SLC40A1: variants seen among roughly 807,000 people sequenced by gnomAD.
SLC40A1 encodes solute carrier family 40 member 1.
Under a neutral mutation model 53.5 loss-of-function variants are expected in SLC40A1, and 16 were observed. That is an observed-to-expected ratio of 0.30 (90% CI 0.20 to 0.45). The LOEUF (loss-of-function observed/expected upper bound fraction) is 0.45, where lower values mean the gene tolerates loss of function less well. Among genes scored for constraint, SLC40A1 ranks in the 20% least tolerant of loss-of-function variants. The probability of loss-of-function intolerance (pLI) is 1.00; values close to 1 mark genes in which losing one functional copy is unlikely to be tolerated. For synonymous variants in SLC40A1, 247 were observed against 253.2 expected, an observed-to-expected ratio of 0.98 and a Z score of 0.23; for missense variants, 545 against 695.4, an observed-to-expected ratio of 0.78 and a Z score of 2.43.
At chr2:189,566,362 G>GAGC (rs2030940721) in intron 5 of SLC40A1, among the ~76,000 whole-genome samples, 1 of 152,186 alleles carries the variant, frequency 6.6e-6, no homozygotes, top group Non-Finnish European at 1.5e-5. Context: ...TCATACCCTG[G>GAGC]AGCACAATGT....
At chr2:189,562,946 A>T (rs2030801599) in intron 7 of SLC40A1, among the ~76,000 whole-genome samples, 1 of 152,006 alleles carries the variant, frequency 6.6e-6, no homozygotes, top group Admixed American at 6.6e-5. Context: ...TATTTTCTAA[A>T]CTACAGTTTT....
chr2:189,576,709 C>T (rs933908973), intron 2 of SLC40A1, among the ~76,000 whole-genome samples: 9 of 152,108 alleles, frequency 5.9e-5, no homozygotes, highest in African/African-American at 9.7e-5. Context: ...CTGAATAGCT[C>T]CCAAGGAAAA....
At chr2:189,578,202 A>G (rs1423737522) in intron 2 of SLC40A1, 1 of 985,270 alleles carries the variant, frequency 1.0e-6, no homozygotes, top group East Asian at 1.1e-4. Flanking sequence ...GAGAAAAAAC[A>G]TAAAAAGCAT....
Position 189,571,756 on chromosome 2 carries a change from C to T in SLC40A1, c.473G>A (p.Trp158Ter). ...TATAITIQRD[W>*]IVVVAGEDRS... ...GTCTTCTCCTGCAACAACAACAATC[C>T]AATCCCTTTGGATTGTGATTGCAGT... The change falls in exon 5 of 8, where the codon TGG becomes TAG. Residue 158 changes from tryptophan to a stop codon, truncating the protein, a stop_gained. Coordinates refer to ENST00000261024, the MANE Select transcript of SLC40A1 (RefSeq NM_014585.6). LOFTEE classifies it high-confidence loss of function. 1 of 1,613,018 alleles carries T rather than the reference C, an allele frequency of 6.2e-7. No homozygotes were observed. The highest frequency in any genetic ancestry group is 8.5e-7 in the Non-Finnish European group (1 of 1,179,176).
rs2030917821 is a variant in SLC40A1 at position 189,565,655 on chromosome 2, G to A, written c.515-56C>T. On this transcript the variant is annotated intron_variant, in intron 5 of 7. Coordinates refer to ENST00000261024, the MANE Select transcript of SLC40A1 (RefSeq NM_014585.6). Reference sequence around the variant, plus strand: ...TGTGCAAACCCATCAAAGAGAGACTGCCCATTTACACAATACAAAGCTGTA... The same window carrying A: ...TGTGCAAACCCATCAAAGAGAGACTACCCATTTACACAATACAAAGCTGTA... The A allele has an allele frequency of 9.3e-6, 15 of 1,607,672 alleles. No individual in the cohort carries two copies. In the Middle Eastern group the frequency reaches 9.9e-4, roughly 106 times the overall value.
At chr2:189,578,534 T>C (rs987450819) in intron 2 of SLC40A1, 1 of 190,186 alleles carries the variant, frequency 5.3e-6, no homozygotes, top group African/African-American at 2.4e-5. Flanking sequence ...CTTCTTCCTC[T>C]AAGAGCAAGG....
chr2:189,569,460 C>A (rs1211813909), intron 5 of SLC40A1, among the ~76,000 whole-genome samples: 1 of 152,198 alleles, frequency 6.6e-6, no homozygotes, highest in African/African-American at 2.4e-5. Flanking sequence ...TCATAGGAAC[C>A]CAAGGCAGCA....
At chr2:189,565,203 CTCTTGCCTCG>C in intron 6 of SLC40A1, 141 bp downstream of exon 6, 1 of 996,948 alleles carries the variant, frequency 1.0e-6, no homozygotes. Context: ...CAAAAGCCTG[CTCTTGCCTCG>C]TCTACCAAAG....
At chr2:189,579,944 T>C in intron 1 of SLC40A1, 64 bp from the exon 2 acceptor site, 1 of 1,467,796 alleles carries the variant, frequency 6.8e-7, no homozygotes. Flanking sequence ...GAGGGCAGAA[T>C]GCTTATCCAT....
chr2:189,575,132 A>G lies in SLC40A1; in HGVS notation c.271+29T>C, dbSNP rs747909312. The G allele has an allele frequency of 1.2e-5, 19 of 1,613,376 alleles. No individual in the cohort carries two copies. The Admixed American group carries it at 3.2e-4, about 27-fold the overall frequency. On this transcript the variant is annotated intron_variant, in intron 3 of 7. Transcript: ENST00000261024. Reference sequence around the variant, plus strand: ...AGCTCAGGCATTGGTCCCATGAATAAAAGGGCTTAATTATATAACAACACT... The same window carrying G: ...AGCTCAGGCATTGGTCCCATGAATAGAAGGGCTTAATTATATAACAACACT...
Position 189,580,767 on chromosome 2 carries a change from T to TCGCCGC in SLC40A1, c.-308_-307insGCGGCG, listed in dbSNP as rs1553495723. On this transcript the variant is annotated 5_prime_UTR_variant, in exon 1 of 8. Transcript: ENST00000261024. ...CCTAGCGGACGCCCTGAGCCAGCTC[T>TCGCCGC]CTCCGCCGCCGCCGCCGCCGCCGTG... The TCGCCGC allele has an allele frequency of 1.8e-6, 2 of 1,081,766 alleles. No individual in the cohort carries two copies. Among genetic ancestry groups the TCGCCGC allele is most frequent in the African/African-American group, 3.5e-5 (2 of 56,530 alleles). The allele number at this position is 1,081,766 out of a possible 1,614,324, so 67.0% of individuals were successfully genotyped here. A position where few individuals can be genotyped will look rare whatever the true frequency, so the allele number is the denominator to read the frequency against.
intron 2 of SLC40A1, among the ~76,000 whole-genome samples, chr2:189,577,094 T>C (rs147037639): frequency 2.6e-5 from 4 of 152,208 alleles, no homozygotes; most frequent in African/African-American, 4.8e-5. Flanking sequence ...CTTATTTCCA[T>C]TTCTTGCCTT....
In SLC40A1 at chr2:189,575,327, T is replaced by G. The variant is rs770871545; in HGVS notation, c.112-7A>C. On this transcript the variant is annotated splice_polypyrimidine_tract_variant and splice_region_variant and intron_variant, in intron 2 of 7. Coordinates refer to ENST00000261024, the MANE Select transcript of SLC40A1 (RefSeq NM_014585.6). ...AGTGCCACATCCGATCTCCCTTAAATGAAAAGAGAAAATGTTTTGATGGAA... is the reference window on the plus strand; with the variant it reads ...AGTGCCACATCCGATCTCCCTTAAAGGAAAAGAGAAAATGTTTTGATGGAA... 1 of 1,614,004 alleles carries G rather than the reference T, an allele frequency of 6.2e-7. No individual in the cohort carries two copies. The highest frequency in any genetic ancestry group is 8.5e-7 in the Non-Finnish European group (1 of 1,179,924).
chr2:189,576,736 T>C (rs1268633346), intron 2 of SLC40A1, among the ~76,000 whole-genome samples: 1 of 152,188 alleles, frequency 6.6e-6, no homozygotes. Context: ...AACACACACA[T>C]GTCCCAAATG....
intron 2 of SLC40A1, among the ~76,000 whole-genome samples, chr2:189,576,458 A>C (rs1309654106): frequency 6.6e-6 from 1 of 152,214 alleles, no homozygotes; most frequent in African/African-American, 2.4e-5. Flanking sequence ...GCATGTTAGC[A>C]ATCATTTACA....
At chr2:189,562,865 A>AT (rs577433864) in intron 7 of SLC40A1, among the ~76,000 whole-genome samples, 18 of 151,994 alleles carry the variant, frequency 1.2e-4, no homozygotes, top group African/African-American at 2.4e-4. Context: ...CCTTTGAAGG[A>AT]TTTTTTTTAT....
chr2:189,571,881 T>G (rs1043273018), intron 4 of SLC40A1, 40 bp from the exon 5 acceptor site: 16 of 1,285,124 alleles, frequency 1.2e-5, no homozygotes, highest in Non-Finnish European at 1.5e-5. Context: ...TAATGTCAGT[T>G]TACCACACTG....
chr2:189,564,305 T>C, intron 6 of SLC40A1, 80 bp from the exon 7 acceptor site: 1 of 1,258,408 alleles, frequency 7.9e-7, no homozygotes, highest in East Asian at 2.3e-5. Flanking sequence ...CTTTTTTTCC[T>C]TCTATTCCCC....
chr2:189,572,395 C>T (rs1043011121), intron 4 of SLC40A1: 2 of 264,400 alleles, frequency 7.6e-6, no homozygotes, highest in Admixed American at 5.2e-5. Context: ...GTTTATACCA[C>T]ACCCCATCCC....
Sources: allele counts gnomAD v4.1 joint callset (sites outside exome capture counted in the v4.1 genomes callset), GRCh38; gene constraint gnomAD v4.1.1; transcripts MANE v1.5; gene names NCBI Gene and HGNC (gene_info 2026-07-23, HGNC 2026-07-21).